EMP1: variants seen among roughly 807,000 people sequenced by gnomAD.
The protein encoded by EMP1 is tumor-associated membrane protein.
A neutral mutation model predicts 15.7 loss-of-function variants in EMP1; 5 were observed. The observed-to-expected ratio is 0.32, with a 90% CI of 0.17 to 0.67. EMP1 has a LOEUF of 0.67. Among genes scored for constraint, EMP1 ranks in the 30% least tolerant of loss-of-function variants. The pLI is 0.74. For missense variants in EMP1, 166 were observed against 194.2 expected, an observed-to-expected ratio of 0.85 and a Z score of 0.86; for synonymous variants, 78 against 76.7, an observed-to-expected ratio of 1.02 and a Z score of -0.09.
intron 1 of EMP1, among the ~76,000 whole-genome samples, chr12:13,206,849 A>G (rs1234941400): frequency 6.6e-6 from 1 of 152,080 alleles, no homozygotes; most frequent in Admixed American, 6.5e-5. Context: ...GAGAACCCTA[A>G]AAGTGTTAGG....
At chr12:13,207,115 A>C (rs1324325289) in intron 1 of EMP1, among the ~76,000 whole-genome samples, 5 of 151,798 alleles carry the variant, frequency 3.3e-5, no homozygotes, top group African/African-American at 1.2e-4. Flanking sequence ...TCAGGGTTCT[A>C]TTTTATTTTA....
At position 13,215,729 on chromosome 12, in the gene EMP1, G is replaced by C. The variant is rs931560301; in HGVS notation, c.*1038G>C. The C allele has an allele frequency of 6.6e-6, 1 of 152,626 alleles. No individual in the cohort carries two copies. Among genetic ancestry groups the C allele is most frequent in the African/African-American group, 2.4e-5 (1 of 41,434 alleles). 9.5% of individuals were successfully genotyped at this position (152,626 alleles called of 1,614,324 possible). On this transcript the variant is annotated 3_prime_UTR_variant, in exon 5 of 5. Transcript: ENST00000256951. ...TAGGCTCAGTGGTAGCTCTGGCTTA[G>C]ACACCACCTGGAGTGATCACCTCTT...
rs771106859 is a variant in EMP1, at chr12:13,219,836, T to C, written c.*5145T>C. Reference sequence around the variant, plus strand: ...GTTTGCTTGGAACTCAGAGTATATTTTTCCATACGAAAAATTCAGAACTAT... The same window carrying C: ...GTTTGCTTGGAACTCAGAGTATATTCTTCCATACGAAAAATTCAGAACTAT... On this transcript the variant is annotated 3_prime_UTR_variant, in exon 5 of 5. Coordinates refer to ENST00000256951, the MANE Select transcript of EMP1 (RefSeq NM_001423.3). The C allele has an allele frequency of 6.6e-6, 1 of 152,212 alleles. No individual in the cohort carries two copies. The highest frequency in any genetic ancestry group is 1.5e-5 in the Non-Finnish European group (1 of 68,038). 9.4% of individuals were successfully genotyped at this position (152,212 alleles called of 1,614,324 possible).
At chr12:13,212,581 G>A (rs1591709994) in intron 2 of EMP1, among the ~76,000 whole-genome samples, 1 of 152,326 alleles carries the variant, frequency 6.6e-6, no homozygotes, top group African/African-American at 2.4e-5. Flanking sequence ...TATCTATCCA[G>A]ATAAATCTGA....
In EMP1 at chr12:13,213,791, T is replaced by C. The variant is rs747317366; in HGVS notation, c.286T>C (p.Phe96Leu). 1 of 1,614,176 alleles carries C rather than the reference T, an allele frequency of 6.2e-7. No individual in the cohort carries two copies. Among genetic ancestry groups the C allele is most frequent in the South Asian group, 1.1e-5 (1 of 91,084 alleles). The part of the protein sequence containing the change: ...LFTMEKGNRF[F>L]LSGATTLVCW... ...CACCATGGAGAAGGGAAACCGGTTCTTCCTCTCAGGGGCCACCACACTGGT... is the reference window on the plus strand; with the variant it reads ...CACCATGGAGAAGGGAAACCGGTTCCTCCTCTCAGGGGCCACCACACTGGT... Residue 96 changes from phenylalanine to leucine, a missense_variant, in exon 4 of 5, where the codon TTC (phenylalanine) becomes CTC (leucine). By Grantham distance (22) the Phe-to-Leu change is conservative (BLOSUM62 0). Transcript: ENST00000256951.
In EMP1 at chr12:13,208,068, A is replaced by G. The variant is rs190174543; in HGVS notation, c.-42-3401A>G. Among the ~76,000 whole-genome samples, 34 of 152,316 alleles carry G rather than the reference A, an allele frequency of 2.2e-4. 1 individual carries two copies. The highest frequency in any genetic ancestry group is 2.2e-3 in the Admixed American group (33 of 15,300). Reference sequence around the variant, plus strand: ...TCCACTGGAGAGTGCCACCCATATCATTTTAGAGAGGGCTGAGGGAGAAGT... The same window carrying G: ...TCCACTGGAGAGTGCCACCCATATCGTTTTAGAGAGGGCTGAGGGAGAAGT... On this transcript the variant is annotated intron_variant, in intron 1 of 4. Coordinates refer to ENST00000256951, the MANE Select transcript of EMP1 (RefSeq NM_001423.3).
chr12:13,209,339 G>T (rs898209152), intron 1 of EMP1: 2 of 152,194 alleles, frequency 1.3e-5, no homozygotes, highest in African/African-American at 4.8e-5. Context: ...GGTCTTTCCT[G>T]AGGGTGTGCT....
rs138413427 is a variant in EMP1, at chr12:13,203,323, G to A, written c.-43+6451G>A. Among the ~76,000 whole-genome samples, 10 of 152,294 alleles carry A rather than the reference G, an allele frequency of 6.6e-5. No homozygotes were observed. In the East Asian group the frequency reaches 1.4e-3, roughly 21 times the overall value. On this transcript the variant is annotated intron_variant, in intron 1 of 4. Coordinates refer to ENST00000256951, the MANE Select transcript of EMP1 (RefSeq NM_001423.3). Reference sequence around the variant, plus strand: ...GAAGGCAACTCACGCTTCCGTCCTCGCCCAGGGAACATCGCCTGATCCCTT... The same window carrying A: ...GAAGGCAACTCACGCTTCCGTCCTCACCCAGGGAACATCGCCTGATCCCTT...
Position 13,214,563 on chromosome 12 carries a change from T to C in EMP1, c.346T>C (p.Tyr116His), listed in dbSNP as rs759324284. Residue 116 changes from tyrosine to histidine, a missense_variant, in exon 5 of 5, where the codon TAC becomes CAC. Coordinates refer to ENST00000256951, the MANE Select transcript of EMP1 (RefSeq NM_001423.3). Reference sequence around the variant, plus strand: ...GTGCATTCTTGTGGGGGTGTCCATCTACACTAGTCATTATGCGAATCGTGA... The same window carrying C: ...GTGCATTCTTGTGGGGGTGTCCATCCACACTAGTCATTATGCGAATCGTGA... The part of the protein sequence containing the change: ...WLCILVGVSI[Y>H]TSHYANRDGT... 5 of 1,614,110 alleles carry C rather than the reference T, an allele frequency of 3.1e-6. No individual in the cohort carries two copies. The highest frequency in any genetic ancestry group is 1.7e-5 in the Admixed American group (1 of 60,018).
chr12:13,211,566 T>A lies in EMP1; in HGVS notation c.56T>A (p.Leu19Gln). 1 of 1,614,204 alleles carries A rather than the reference T, an allele frequency of 6.2e-7. No individual in the cohort carries two copies. The highest frequency in any genetic ancestry group is 8.5e-7 in the Non-Finnish European group (1 of 1,180,012). The change falls in exon 2 of 5, where the codon CTA becomes CAA. Residue 19 changes from leucine (L) to glutamine (Q), a missense_variant. Transcript: ENST00000256951. This position sits in a 1 kb window ranked among gnomAD's most constrained non-coding sequence, Gnocchi z 4.7. ...GTCCACATCGCTACTGTTATTATGC[T>A]ATTTGTTAGCACCATTGCCAATGTG... The part of the protein sequence containing the change: ...FVVHIATVIM[L>Q]FVSTIANVWL...
intron 1 of EMP1, among the ~76,000 whole-genome samples, chr12:13,203,894 A>G (rs551263851): frequency 1.3e-5 from 2 of 152,262 alleles, no homozygotes; most frequent in South Asian, 2.1e-4. Flanking sequence ...TCTCTCTCAT[A>G]CAGTGTGCTT....
At chr12:13,213,410 G>T in intron 2 of EMP1, 69 bp from the exon 3 acceptor site, 1 of 1,408,556 alleles carries the variant, frequency 7.1e-7, no homozygotes, top group South Asian at 1.2e-5. Flanking sequence ...GATGCAAGCT[G>T]ATTTGTTATT....
chr12:13,205,086 G>A (rs1864099767), intron 1 of EMP1, among the ~76,000 whole-genome samples: 1 of 152,232 alleles, frequency 6.6e-6, no homozygotes, highest in African/African-American at 2.4e-5. Context: ...CTGGTAGGTA[G>A]TGAGCTCTCC....
Position 13,211,379 on chromosome 12 carries a change from T to A in EMP1, c.-42-90T>A. 1 of 836,170 alleles carries A rather than the reference T, an allele frequency of 1.2e-6. No homozygotes were observed. Among genetic ancestry groups the A allele is most frequent in the Non-Finnish European group, 2.0e-6 (1 of 503,810 alleles). The allele number at this position is 836,170 out of a possible 1,614,324, so 51.8% of individuals were successfully genotyped here. A position where few individuals can be genotyped will look rare whatever the true frequency, so the allele number is the denominator to read the frequency against. ...TGGTTTTTAGTGCAGCTCTTCCTCA[T>A]GTTAGCAGATAGCCCACACGTGTGG... On this transcript the variant is annotated intron_variant, in intron 1 of 4. Transcript: ENST00000256951. The surrounding 1 kb of genome is among the most constrained non-coding windows in gnomAD (Gnocchi z 4.7).
At position 13,203,874 on chromosome 12, in the gene EMP1, A is replaced by G. The variant is rs75135663; in HGVS notation, c.-43+7002A>G. 6.5e-3 allele frequency among the ~76,000 whole-genome samples: 994 copies of G among 152,298 alleles called. 1 individual carries two copies. The highest frequency in any genetic ancestry group is 0.011 in the Non-Finnish European group (753 of 68,026). ...TTTATTATAAGAATCTGGTTCTCCA[A>G]TAGGTTCTCTCTCTCTCATACAGTG... On this transcript the variant is annotated intron_variant, in intron 1 of 4. Transcript: ENST00000256951.
chr12:13,218,202 G>T lies in EMP1; in HGVS notation c.*3511G>T, dbSNP rs932956432. ...TAGATAAAGATCCCACTCTGCCTTG[G>T]ATTTAGCCATCGCAGTCCCTGTGTA... On this transcript the variant is annotated 3_prime_UTR_variant, in exon 5 of 5. Transcript: ENST00000256951. 1.3e-5 allele frequency: 2 copies of T among 152,136 alleles called. No individual in the cohort carries two copies. The highest frequency in any genetic ancestry group is 4.8e-5 in the African/African-American group (2 of 41,410). The allele number at this position is 152,136 out of a possible 1,614,324, so 9.4% of individuals were successfully genotyped here. A position where few individuals can be genotyped will look rare whatever the true frequency, so the allele number is the denominator to read the frequency against.
intron 1 of EMP1, among the ~76,000 whole-genome samples, chr12:13,202,410 G>C (rs1402121088): frequency 6.6e-6 from 1 of 152,156 alleles, no homozygotes; most frequent in East Asian, 1.9e-4. Flanking sequence ...TTGATCCTTA[G>C]ACTTCTCATT....
chr12:13,212,385 A>T (rs1864172960), intron 2 of EMP1, among the ~76,000 whole-genome samples: 1 of 152,246 alleles, frequency 6.6e-6, no homozygotes, highest in Non-Finnish European at 1.5e-5. Flanking sequence ...CCATGGTTTC[A>T]GAATCTGTTT....
rs1864242677 is a variant in EMP1 at position 13,219,668 on chromosome 12, C to A, written c.*4977C>A. ...AAAGCTAACAAAGTGAGCCCTGATTCAAAAATGACTGTCTACACTTGGCAC... is the reference window on the plus strand; with the variant it reads ...AAAGCTAACAAAGTGAGCCCTGATTAAAAAATGACTGTCTACACTTGGCAC... On this transcript the variant is annotated 3_prime_UTR_variant, in exon 5 of 5. Coordinates refer to ENST00000256951, the MANE Select transcript of EMP1 (RefSeq NM_001423.3). 6.6e-6 allele frequency: 1 copy of A among 152,142 alleles called. No individual in the cohort carries two copies. Among genetic ancestry groups the A allele is most frequent in the Admixed American group, 6.5e-5 (1 of 15,278 alleles). The allele number at this position is 152,142 out of a possible 1,614,324, so 9.4% of individuals were successfully genotyped here.
Sources: gnomAD v4.1 joint callset for allele counts (sites outside exome capture counted in the v4.1 genomes callset) on GRCh38, gnomAD v4.1.1 for gene constraint, Gnocchi (gnomAD v3.1) non-coding constraint, MANE v1.5 for transcripts, NCBI Gene and HGNC (gene_info 2026-07-23, HGNC 2026-07-21) for gene names.